The following AMTN variants were observed in gnomAD, a reference collection of about 807,000 sequenced individuals.
AMTN encodes the protein RSTI689.
A neutral mutation model predicts 27.4 loss-of-function variants in AMTN; 29 were observed. The ratio of observed to expected loss-of-function variants is 1.06; its 90% CI spans 0.79 to 1.44. AMTN has a LOEUF of 1.44. AMTN is among the 40% of genes most tolerant of loss of function. The probability of loss-of-function intolerance (pLI) is 0.00; values close to 1 mark genes in which losing one functional copy is unlikely to be tolerated. For missense variants in AMTN, 247 were observed against 248.8 expected, an observed-to-expected ratio of 0.99 and a Z score of 0.05; for synonymous variants, 86 against 95.7, an observed-to-expected ratio of 0.90 and a Z score of 0.59.
chr4:70,532,493 GC>G lies in AMTN; in HGVS notation c.*30del, dbSNP rs1240839881. On this transcript the variant is annotated 3_prime_UTR_variant, in exon 9 of 9. Transcript: ENST00000339336. ...TGTTTCAAATTTTTTCAACTAAGCT[GC>G]CTCGAATTTGGTGATACATGTGAAT... 2.1e-5 allele frequency: 33 copies of G among 1,604,854 alleles called. No homozygotes were observed. Among genetic ancestry groups the G allele is most frequent in the Non-Finnish European group, 2.7e-5 (32 of 1,174,090 alleles).
chr4:70,524,799 TA>T, intron 4 of AMTN, 72 bp from the exon 5 acceptor site: 2 of 1,395,446 alleles, frequency 1.4e-6, no homozygotes, highest in Non-Finnish European at 2.0e-6. Flanking sequence ...TTACGTTTAG[TA>T]AAAACATTTT....
intron 8 of AMTN, among the ~76,000 whole-genome samples, chr4:70,531,616 G>A (rs977938033): frequency 5.3e-5 from 8 of 152,082 alleles, no homozygotes; most frequent in East Asian, 1.9e-4. Context: ...AGGTTCAAGC[G>A]ATTCTCATGC....
Position 70,524,839 on chromosome 4 carries a change from A to G in AMTN, c.205-33A>G, listed in dbSNP as rs920180645. 4 of 1,599,886 alleles carry G rather than the reference A, an allele frequency of 2.5e-6. No homozygotes were observed. In the African/African-American group the frequency reaches 5.4e-5, roughly 21 times the overall value. ...TTCCTAAATGTCCAAACTGAAAAAAAATACAATGAAAGTCTTCTTCCTTGC... is the reference window on the plus strand; with the variant it reads ...TTCCTAAATGTCCAAACTGAAAAAAGATACAATGAAAGTCTTCTTCCTTGC... On this transcript the variant is annotated intron_variant, in intron 4 of 8. Coordinates refer to ENST00000339336, the MANE Select transcript of AMTN (RefSeq NM_212557.4).
rs1332859580 is a variant in AMTN at position 70,523,884 on chromosome 4, G to A, written c.155G>A (p.Ser52Asn). 6.2e-7 allele frequency: 1 copy of A among 1,613,768 alleles called. No individual in the cohort carries two copies. The highest frequency in any genetic ancestry group is 8.5e-7 in the Non-Finnish European group (1 of 1,179,734). Residue 52 changes from serine (S) to asparagine (N), a missense_variant, in exon 4 of 9, where the codon AGT becomes AAT. Coordinates refer to ENST00000339336, the MANE Select transcript of AMTN (RefSeq NM_212557.4). Reference sequence around the variant, plus strand: ...CCCCTGCAGGTCTTTCCTTCTTTAAGTCTGATACCATTAACACAGATGCTC... The same window carrying A: ...CCCCTGCAGGTCTTTCCTTCTTTAAATCTGATACCATTAACACAGATGCTC... Reference protein sequence around the residue: ...QQSNQVFPSLSLIPLTQMLTL... With the variant: ...QQSNQVFPSLNLIPLTQMLTL...
intron 3 of AMTN, among the ~76,000 whole-genome samples, chr4:70,523,362 C>A (rs1478547449): frequency 6.6e-6 from 1 of 152,048 alleles, no homozygotes. Context: ...CTTTTGGCTA[C>A]TGCCCTCCCT....
rs532404362 is a variant in AMTN, at chr4:70,525,389, G to A, written c.294+428G>A. Among the ~76,000 whole-genome samples the A allele has an allele frequency of 8.5e-5, 13 of 152,084 alleles. No homozygotes were observed. In the South Asian group the frequency reaches 1.7e-3, roughly 19 times the overall value. On this transcript the variant is annotated intron_variant, in intron 5 of 8. Transcript: ENST00000339336. ...GCAAATCTAATTGTCCCATTTTTGC[G>A]CCTTTTCATTCCCCCTTGAAAGTCC... is the stretch of plus-strand genomic sequence containing the variant.
chr4:70,527,526 A>T (rs1273665418), intron 5 of AMTN, among the ~76,000 whole-genome samples: 2 of 152,122 alleles, frequency 1.3e-5, no homozygotes, highest in African/African-American at 4.8e-5. Context: ...GTAGAGAAGG[A>T]CCTGATTGTG....
intron 2 of AMTN, among the ~76,000 whole-genome samples, chr4:70,520,587 A>G (rs376369630): frequency 6.6e-6 from 1 of 152,382 alleles, no homozygotes; most frequent in Non-Finnish European, 1.5e-5. Context: ...ACTATATGCC[A>G]GACATGGATT....
At position 70,531,138 on chromosome 4, in the gene AMTN, C is replaced by T. The variant is rs763991450; in HGVS notation, c.457C>T (p.Leu153Phe). Residue 153 changes from leucine to phenylalanine, a missense_variant, in exon 8 of 9, where the codon CTT (leucine) becomes TTT (phenylalanine). Coordinates refer to ENST00000339336, the MANE Select transcript of AMTN (RefSeq NM_212557.4). ...TAATCCAGATGTCCAGGATGGAAGC[C>T]TTCCAGCAGGAGGAGCAGGTGTAAA... The part of the protein sequence containing the change: ...GANPDVQDGS[L>F]PAGGAGVNPA... 1 of 1,614,104 alleles carries T rather than the reference C, an allele frequency of 6.2e-7. No individual in the cohort carries two copies. The highest frequency in any genetic ancestry group is 8.5e-7 in the Non-Finnish European group (1 of 1,179,998).
intron 6 of AMTN, among the ~76,000 whole-genome samples, 194 bp downstream of exon 6, chr4:70,528,952 A>T (rs1175576547): frequency 6.6e-6 from 1 of 152,202 alleles, no homozygotes; most frequent in Non-Finnish European, 1.5e-5. Context: ...AAAAATATAT[A>T]CTTTTTGGAT....
At position 70,531,159 on chromosome 4, in the gene AMTN, G is replaced by A. The variant is rs1467100871; in HGVS notation, c.478G>A (p.Val160Ile). 1.9e-6 allele frequency: 3 copies of A among 1,614,022 alleles called. No individual in the cohort carries two copies. Among genetic ancestry groups the A allele is most frequent in the Non-Finnish European group, 2.5e-6 (3 of 1,179,976 alleles). ...DGSLPAGGAGVNPATQGTPAG... is the reference protein window; with the variant it reads ...DGSLPAGGAGINPATQGTPAG... ...AAGCCTTCCAGCAGGAGGAGCAGGT[G>A]TAAATCCTGCCACCCAGGGAACCCC... The change falls in exon 8 of 9, where the codon GTA becomes ATA. Residue 160 changes from valine to isoleucine, a missense_variant. Transcript: ENST00000339336.
intron 8 of AMTN, 43 bp downstream of exon 8, chr4:70,531,343 T>C (rs781085470): frequency 1.9e-6 from 3 of 1,606,688 alleles, no homozygotes; most frequent in Non-Finnish European, 1.7e-6. Context: ...GCTATAAAAG[T>C]CATCTGCAGA....
intron 1 of AMTN, 31 bp from the exon 2 acceptor site, chr4:70,518,732 A>G (rs900319399): frequency 2.8e-6 from 4 of 1,414,994 alleles, no homozygotes; most frequent in Middle Eastern, 1.8e-4. Context: ...AAAAAAATAC[A>G]TGGAAGAGTA....
intron 2 of AMTN, among the ~76,000 whole-genome samples, chr4:70,522,230 T>A (rs1490248428): frequency 6.6e-6 from 1 of 152,106 alleles, no homozygotes; most frequent in Non-Finnish European, 1.5e-5. Flanking sequence ...ACCAAATGTG[T>A]AGGAGGAATA....
chr4:70,520,493 A>G (rs986545627), intron 2 of AMTN, among the ~76,000 whole-genome samples: 7 of 152,358 alleles, frequency 4.6e-5, no homozygotes, highest in Middle Eastern at 3.4e-3. Flanking sequence ...AGAAATAAAT[A>G]CAAGACAAAT....
intron 5 of AMTN, among the ~76,000 whole-genome samples, chr4:70,527,331 C>T (rs1736121427): frequency 6.6e-6 from 1 of 152,158 alleles, no homozygotes; most frequent in South Asian, 2.1e-4. Context: ...CCTTTCATTA[C>T]AGTTTTTACT....
Position 70,524,905 on chromosome 4 carries a change from C to T in AMTN, c.238C>T (p.Gln80Ter). The change falls in exon 5 of 9, where the codon CAG becomes TAG. Residue 80 changes from glutamine (Q) to a stop codon, truncating the protein, a stop_gained. Transcript: ENST00000339336. LOFTEE classifies it high-confidence loss of function. ...NPAAGMTPGT[Q>*]THPLTLGGLN... The stretch of plus-strand genomic sequence containing the variant: ...TGCTGCAGGAATGACACCTGGTACC[C>T]AGACCCACCCATTGACCCTGGGAGG... 6.2e-7 allele frequency: 1 copy of T among 1,614,034 alleles called. No homozygotes were observed. The highest frequency in any genetic ancestry group is 8.5e-7 in the Non-Finnish European group (1 of 1,179,940).
intron 2 of AMTN, among the ~76,000 whole-genome samples, chr4:70,521,642 T>TC (rs1735971391): frequency 5.6e-5 from 2 of 35,606 alleles, no homozygotes; most frequent in Non-Finnish European, 5.6e-5. Flanking sequence ...CAACCTCTCT[T>TC]TTTTTTTTTT....
rs1417063669 is a variant in AMTN at position 70,522,856 on chromosome 4, T to C, written c.138+18T>C. On this transcript the variant is annotated intron_variant, in intron 3 of 8. Coordinates refer to ENST00000339336, the MANE Select transcript of AMTN (RefSeq NM_212557.4). Reference sequence around the variant, plus strand: ...CAAATCAGGTAAGAGTCCTACAATATGGAACATGTACAAACCGGTAAAGAA... The same window carrying C: ...CAAATCAGGTAAGAGTCCTACAATACGGAACATGTACAAACCGGTAAAGAA... The C allele has an allele frequency of 4.3e-6, 7 of 1,609,482 alleles. No individual in the cohort carries two copies. The highest frequency in any genetic ancestry group is 6.0e-6 in the Non-Finnish European group (7 of 1,176,016).
Sources: allele counts gnomAD v4.1 joint callset (sites outside exome capture counted in the v4.1 genomes callset), GRCh38; gene constraint gnomAD v4.1.1; transcripts MANE v1.5; gene names NCBI Gene and HGNC (gene_info 2026-07-23, HGNC 2026-07-21).